PTPRD: variants seen among roughly 807,000 people sequenced by gnomAD.
PTPRD encodes receptor-type tyrosine-protein phosphatase delta.
A neutral mutation model predicts 214.5 loss-of-function variants in PTPRD; 34 were observed. The ratio of observed to expected loss-of-function variants is 0.16; its 90% confidence interval spans 0.12 to 0.21. The LOEUF is 0.21. PTPRD is among the 10% of genes least tolerant of loss of function. The pLI is 1.00. For synonymous variants in PTPRD, 1,128 were observed against 845.7 expected (o/e 1.33, Z -5.79); for missense variants, 2,545 against 2,398.7 (o/e 1.06, Z -1.27).
intron 8 of PTPRD, among the ~76,000 whole-genome samples, chr9:9,538,954 G>C (rs889606748): frequency 6.6e-6 from 1 of 151,778 alleles, no homozygotes; most frequent in Non-Finnish European, 1.5e-5. Context: ...CCTAGTGCCA[G>C]ACACTTTTCT....
At chr9:10,338,574 T>C (rs2096884603) in intron 3 of PTPRD, among the ~76,000 whole-genome samples, 1 of 151,796 alleles carries the variant, frequency 6.6e-6, no homozygotes, top group Admixed American at 6.6e-5. Flanking sequence ...GTGTTATCTT[T>C]CTTTCCCACC....
chr9:9,187,780 AT>A (rs5896309), intron 9 of PTPRD, among the ~76,000 whole-genome samples: 11,184 of 149,192 alleles, frequency 0.075, 467 homozygotes, highest in African/African-American at 0.11. Flanking sequence ...GAATAAGAGG[AT>A]TTTTTTTTTG....
chr9:8,775,604 G>C (rs115015388), intron 11 of PTPRD, among the ~76,000 whole-genome samples: 6,402 of 152,150 alleles, frequency 0.042, 315 homozygotes, highest in African/African-American at 0.12. Flanking sequence ...TTTTATTTTA[G>C]AGTCAAGGGG....
chr9:9,521,847 A>T (rs1486210277), intron 8 of PTPRD, among the ~76,000 whole-genome samples: 2 of 152,056 alleles, frequency 1.3e-5, no homozygotes, highest in African/African-American at 4.8e-5. Flanking sequence ...GGGGCTTATA[A>T]ATACTACAGA....
chr9:10,300,250 G>A (rs1021002827), intron 3 of PTPRD, among the ~76,000 whole-genome samples: 9 of 152,228 alleles, frequency 5.9e-5, no homozygotes, highest in South Asian at 2.1e-4. Flanking sequence ...GGACAGCTCC[G>A]GTCTTCACAA....
chr9:8,499,522 A>G, intron 25 of PTPRD, 125 bp downstream of exon 25: 1 of 958,332 alleles, frequency 1.0e-6, no homozygotes, highest in Non-Finnish European at 1.5e-6. Context: ...TCAATGTGAA[A>G]TGAAAACTAG....
chr9:10,087,603 G>A (rs2098366873), intron 3 of PTPRD, among the ~76,000 whole-genome samples: 1 of 151,616 alleles, frequency 6.6e-6, no homozygotes, highest in South Asian at 2.1e-4. Context: ...TGATCTTCCG[G>A]AGTGCTATGA....
At chr9:10,506,325 G>A (rs2133499540) in intron 2 of PTPRD, among the ~76,000 whole-genome samples, 1 of 152,106 alleles carries the variant, frequency 6.6e-6, no homozygotes, top group South Asian at 2.1e-4. Flanking sequence ...TATAAAAATA[G>A]GACATTTGTC....
intron 2 of PTPRD, among the ~76,000 whole-genome samples, chr9:10,598,957 T>A (rs1397896699): frequency 2.6e-5 from 4 of 151,650 alleles, no homozygotes; most frequent in Non-Finnish European, 4.4e-5. Flanking sequence ...TTCCTCTTAC[T>A]AATAACAGCC....
At chr9:8,891,081 T>A (rs186125459) in intron 11 of PTPRD, among the ~76,000 whole-genome samples, 1 of 151,978 alleles carries the variant, frequency 6.6e-6, no homozygotes, top group African/African-American at 2.4e-5. Flanking sequence ...CCCCTGTATT[T>A]GAACAGATGG....
intron 14 of PTPRD, among the ~76,000 whole-genome samples, chr9:8,570,057 T>C (rs1462797870): frequency 6.6e-6 from 1 of 152,122 alleles, no homozygotes; most frequent in African/African-American, 2.4e-5. Flanking sequence ...CACCATACTA[T>C]GCATCCTCTT....
chr9:10,047,961 T>A (rs2097437275), intron 3 of PTPRD, among the ~76,000 whole-genome samples: 1 of 152,170 alleles, frequency 6.6e-6, no homozygotes, highest in Non-Finnish European at 1.5e-5. Flanking sequence ...TACCAAATAA[T>A]CCTCATTTCT....
At chr9:9,659,426 T>A (rs976572434) in intron 7 of PTPRD, among the ~76,000 whole-genome samples, 2 of 152,070 alleles carry the variant, frequency 1.3e-5, no homozygotes, top group African/African-American at 4.8e-5. Flanking sequence ...GCTATTAACC[T>A]TTGTTGCTTA....
intron 9 of PTPRD, among the ~76,000 whole-genome samples, chr9:9,274,427 C>T (rs1944172431): frequency 1.3e-5 from 2 of 151,274 alleles, no homozygotes; most frequent in African/African-American, 4.8e-5. Context: ...TATTATCAGA[C>T]TATATTGGAA....
At chr9:8,402,990 A>C (rs1475361953) in intron 36 of PTPRD, among the ~76,000 whole-genome samples, 1 of 152,150 alleles carries the variant, frequency 6.6e-6, no homozygotes, top group African/African-American at 2.4e-5. Flanking sequence ...AAATATATCT[A>C]TGCAAAACAA....
At position 10,071,102 on chromosome 9, in the gene PTPRD, A is replaced by C. The variant is rs12001543; in HGVS notation, c.-544-37312T>G. Among the ~76,000 whole-genome samples, 868 of 152,192 alleles carry C rather than the reference A, an allele frequency of 5.7e-3. 11 individuals are homozygous for C. Among genetic ancestry groups the C allele is most frequent in the African/African-American group, 0.02 (812 of 41,572 alleles). On this transcript the variant is annotated intron_variant, in intron 3 of 45. Transcript: ENST00000381196. ...GTGAAAAACTACAAAACTCTGATGA[A>C]AGAAATCAAAGAAAATCTAAATACA...
chr9:8,543,827 C>T (rs2079115511), intron 14 of PTPRD, among the ~76,000 whole-genome samples: 1 of 152,056 alleles, frequency 6.6e-6, no homozygotes, highest in Non-Finnish European at 1.5e-5. Context: ...ATTCTTCTGC[C>T]TCAGCCTCCC....
At chr9:9,305,424 A>G (rs1956823824) in intron 9 of PTPRD, among the ~76,000 whole-genome samples, 1 of 152,144 alleles carries the variant, frequency 6.6e-6, no homozygotes. Flanking sequence ...TAATTGGAAT[A>G]CAGATGTTAT....
chr9:10,203,993 G>T (rs2099450158), intron 3 of PTPRD, among the ~76,000 whole-genome samples: 2 of 152,100 alleles, frequency 1.3e-5, no homozygotes, highest in South Asian at 2.1e-4. Context: ...TGAATCAGAT[G>T]CATGTTTTCC....
Sources: gnomAD v4.1 joint callset for allele counts (sites outside exome capture counted in the v4.1 genomes callset) on GRCh38, gnomAD v4.1.1 for gene constraint, MANE v1.5 for transcripts, NCBI Gene and HGNC (gene_info 2026-07-23, HGNC 2026-07-21) for gene names.